The following CORO1C variants were observed in gnomAD, a reference collection of about 807,000 sequenced individuals.
The protein encoded by CORO1C is coronin 1C.
CORO1C carries 14 observed loss-of-function variants against 51.2 expected under a neutral mutation model. That is an observed-to-expected ratio of 0.27 (90% CI 0.18 to 0.43). CORO1C has a LOEUF of 0.43. Among genes scored for constraint, CORO1C ranks in the 20% least tolerant of loss-of-function variants. CORO1C has a pLI of 1.00. For synonymous variants in CORO1C, 181 were observed against 210.5 expected (o/e 0.86, Z 1.21); for missense variants, 417 against 607.8 (o/e 0.69, Z 3.30).
At chr12:108,666,084 C>T (rs1185970420) in intron 3 of CORO1C, among the ~76,000 whole-genome samples, 5 of 152,228 alleles carry the variant, frequency 3.3e-5, no homozygotes, top group African/African-American at 1.2e-4. Flanking sequence ...CCCAGGAGGG[C>T]TCCCTGAGGA....
chr12:108,724,271 G>A (rs771085153), intron 1 of CORO1C, among the ~76,000 whole-genome samples: 1 of 152,184 alleles, frequency 6.6e-6, no homozygotes, highest in Non-Finnish European at 1.5e-5. Flanking sequence ...CTAAGCAAAT[G>A]GAACTGCTGC....
intron 4 of CORO1C, among the ~76,000 whole-genome samples, chr12:108,661,436 G>A (rs1405179381): frequency 6.6e-6 from 1 of 152,200 alleles, no homozygotes; most frequent in Non-Finnish European, 1.5e-5. Flanking sequence ...ATCTCTGTAT[G>A]TAAAATAATT....
At chr12:108,694,433 T>C (rs1592916820) in intron 2 of CORO1C, among the ~76,000 whole-genome samples, 1 of 152,242 alleles carries the variant, frequency 6.6e-6, no homozygotes, top group African/African-American at 2.4e-5. Flanking sequence ...GCTCTTTATA[T>C]GTACTCTGGT....
intron 2 of CORO1C, among the ~76,000 whole-genome samples, chr12:108,695,104 C>T (rs1341609477): frequency 6.6e-6 from 1 of 152,176 alleles, no homozygotes; most frequent in East Asian, 1.9e-4. Flanking sequence ...CACCTGATGG[C>T]TTTACTAGGG....
chr12:108,655,836 C>T lies in CORO1C; in HGVS notation c.751-1426G>A, dbSNP rs1280612507. ...GAGGTGAGGGGCATCTCTGCCTGGC[C>T]GCCCATCGTCTGGGATGTGAGGAGC... is the stretch of plus-strand genomic sequence containing the variant. On this transcript the variant is annotated intron_variant, in intron 6 of 10. Coordinates refer to ENST00000261401, the MANE Select transcript of CORO1C (RefSeq NM_014325.4). Among the ~76,000 whole-genome samples, 7 of 151,864 alleles carry T rather than the reference C, an allele frequency of 4.6e-5. No homozygotes were observed. In the South Asian group the frequency reaches 1.5e-3, roughly 32 times the overall value.
intron 1 of CORO1C, among the ~76,000 whole-genome samples, chr12:108,703,721 A>G (rs1253285408): frequency 6.6e-6 from 1 of 152,198 alleles, no homozygotes; most frequent in East Asian, 1.9e-4. Flanking sequence ...GGGCTGCACA[A>G]CCAGGGTACT....
chr12:108,687,595 G>C (rs972958835), intron 2 of CORO1C, among the ~76,000 whole-genome samples: 9 of 152,038 alleles, frequency 5.9e-5, no homozygotes, highest in African/African-American at 9.7e-5. Context: ...GACCAGCCTG[G>C]CCAACATGAT....
intron 1 of CORO1C, among the ~76,000 whole-genome samples, chr12:108,719,664 A>C (rs967988634): frequency 1.6e-4 from 24 of 152,326 alleles, no homozygotes; most frequent in Admixed American, 8.5e-4. Flanking sequence ...ACAAACCTCC[A>C]CCTTCACCTC....
chr12:108,661,985 C>G lies in CORO1C; in HGVS notation c.448+44G>C, dbSNP rs1421716602. The G allele has an allele frequency of 1.9e-6, 3 of 1,611,346 alleles. No homozygotes were observed. In the Admixed American group the frequency reaches 5.0e-5, roughly 27 times the overall value. ...TTGCTTCCCCCCACTCAGAGAGCCA[C>G]AAGAGTGGAAGACAAGGGGAGGACC... is the stretch of plus-strand genomic sequence containing the variant. On this transcript the variant is annotated intron_variant, in intron 4 of 10. Transcript: ENST00000261401.
chr12:108,668,686 T>G (rs1225537803), intron 3 of CORO1C, among the ~76,000 whole-genome samples: 1 of 152,232 alleles, frequency 6.6e-6, no homozygotes, highest in Non-Finnish European at 1.5e-5. Context: ...ACTATCATTT[T>G]GCAATATCTT....
intron 2 of CORO1C, among the ~76,000 whole-genome samples, chr12:108,690,240 G>C (rs1239424724): frequency 6.6e-6 from 1 of 152,116 alleles, no homozygotes; most frequent in African/African-American, 2.4e-5. Flanking sequence ...AAAACATTCT[G>C]AGGAGGCTTT....
At chr12:108,659,152 G>A (rs2136808620) in intron 4 of CORO1C, among the ~76,000 whole-genome samples, 1 of 152,310 alleles carries the variant, frequency 6.6e-6, no homozygotes, top group Non-Finnish European at 1.5e-5. Context: ...AGAAATAAAA[G>A]TGTTAAAGTA....
chr12:108,700,305 T>A (rs1352616525), intron 2 of CORO1C, among the ~76,000 whole-genome samples: 1 of 152,174 alleles, frequency 6.6e-6, no homozygotes, highest in African/African-American at 2.4e-5. Context: ...AAAACAACTG[T>A]TTCTAGGCCC....
At chr12:108,651,515 G>C (rs1281319146) in intron 8 of CORO1C, among the ~76,000 whole-genome samples, 4 of 152,102 alleles carry the variant, frequency 2.6e-5, no homozygotes, top group Non-Finnish European at 4.4e-5. Flanking sequence ...TAGGACCTTT[G>C]GTTTCTCTAT....
Position 108,652,385 on chromosome 12 carries a change from C to T in CORO1C, c.888G>A (p.Thr296=), listed in dbSNP as rs773150683. The change falls in exon 8 of 11, where the codon ACG becomes ACA. Residue 296 remains threonine, a synonymous_variant. Transcript: ENST00000261401. ...GDSSIRYFEI[T]DESPYVHYLN... is the part of the protein sequence containing the mutation. ...GGTAGTGGACGTACGGGGATTCATCCGTGATCTCAAAATAGCGAATACTGC... is the reference window on the plus strand; with the variant it reads ...GGTAGTGGACGTACGGGGATTCATCTGTGATCTCAAAATAGCGAATACTGC... 20 of 1,613,588 alleles carry T rather than the reference C, an allele frequency of 1.2e-5. No homozygotes were observed. Among genetic ancestry groups the T allele is most frequent in the South Asian group, 9.9e-5 (9 of 91,062 alleles).
At chr12:108,659,601 G>A (rs1242823843) in intron 4 of CORO1C, among the ~76,000 whole-genome samples, 2 of 152,184 alleles carry the variant, frequency 1.3e-5, no homozygotes, top group Non-Finnish European at 2.9e-5. Flanking sequence ...TTCTGCACTT[G>A]GTGGTAGGCT....
intron 1 of CORO1C, among the ~76,000 whole-genome samples, chr12:108,707,285 C>A (rs994228223): frequency 6.6e-6 from 1 of 152,168 alleles, no homozygotes; most frequent in African/African-American, 2.4e-5. Flanking sequence ...TCAAAACTTA[C>A]CTCACTACAA....
intron 3 of CORO1C, among the ~76,000 whole-genome samples, chr12:108,674,962 C>T (rs2033852595): frequency 6.6e-6 from 1 of 152,130 alleles, no homozygotes; most frequent in Non-Finnish European, 1.5e-5. Flanking sequence ...GAAAGAAGTT[C>T]TATGGCAGGT....
intron 3 of CORO1C, among the ~76,000 whole-genome samples, chr12:108,664,052 A>G (rs1364823991): frequency 2.0e-5 from 3 of 152,242 alleles, no homozygotes; most frequent in African/African-American, 7.2e-5. Context: ...GCTGAGTTAC[A>G]GGTAAGCTGA....
Sources: gnomAD v4.1 joint callset for allele counts (sites outside exome capture counted in the v4.1 genomes callset) on GRCh38, gnomAD v4.1.1 for gene constraint, MANE v1.5 for transcripts, NCBI Gene and HGNC (gene_info 2026-07-23, HGNC 2026-07-21) for gene names.